Variants in TIAM2 observed in about 807,000 individuals in gnomAD.
The protein encoded by TIAM2 is TIAM Rac1 associated GEF 2.
A neutral mutation model predicts 152.9 loss-of-function variants in TIAM2; 80 were observed. The observed-to-expected ratio is 0.52, with a 90% confidence interval of 0.44 to 0.63. TIAM2 has a LOEUF of 0.63. TIAM2 is among the 30% of genes least tolerant of loss of function. The pLI, the probability that TIAM2 is intolerant of heterozygous loss-of-function variation, is 0.00. For missense variants in TIAM2, 1,965 were observed against 2,120.1 expected, an observed-to-expected ratio of 0.93 and a Z score of 1.44; for synonymous variants, 804 against 838.0, an observed-to-expected ratio of 0.96 and a Z score of 0.70.
At position 155,063,406 on chromosome 6, in the gene TIAM2, TA is replaced by T. The variant is rs1420290719; in HGVS notation, c.-208-26880del. The stretch of plus-strand genomic sequence containing the variant: ...GCGTGTGTGGGTATGTGTGTCCATG[TA>T]AATATGAACACGTACAATTATGTGT... On this transcript the variant is annotated intron_variant, in intron 1 of 26. Coordinates refer to ENST00000682666, the MANE Select transcript of TIAM2 (RefSeq NM_012454.4). Among the ~76,000 whole-genome samples, 415 of 152,298 alleles carry T rather than the reference TA, an allele frequency of 2.7e-3. 1 individual carries two copies. Among genetic ancestry groups the T allele is most frequent in the African/African-American group, 9.5e-3 (395 of 41,556 alleles).
At chr6:155,255,453 G>A (rs563032269) in intron 26 of TIAM2, 8 of 151,918 alleles carry the variant, frequency 5.3e-5, no homozygotes, top group Non-Finnish European at 1.2e-4. Context: ...GTAAAACTTC[G>A]CTTTTTCATG....
At chr6:155,216,875 C>T (rs1386209540) in intron 15 of TIAM2, 1 of 1,156,798 alleles carries the variant, frequency 8.6e-7, no homozygotes, top group Non-Finnish European at 1.1e-6. Context: ...CCAGCTTCCC[C>T]CAATCACCGG....
chr6:155,179,517 C>T, intron 12 of TIAM2, 61 bp downstream of exon 12: 1 of 1,497,688 alleles, frequency 6.7e-7, no homozygotes, highest in Non-Finnish European at 9.0e-7. Flanking sequence ...TACTTTGCCC[C>T]AGCATCTTTG....
At chr6:155,220,921 C>T (rs548559869) in intron 15 of TIAM2, among the ~76,000 whole-genome samples, 2 of 152,122 alleles carry the variant, frequency 1.3e-5, no homozygotes, top group South Asian at 4.2e-4. Context: ...TCCTAGCTCC[C>T]CACCTCCACT....
At chr6:155,183,790 T>A (rs1780969406) in intron 14 of TIAM2, among the ~76,000 whole-genome samples, 1 of 152,186 alleles carries the variant, frequency 6.6e-6, no homozygotes, top group African/African-American at 2.4e-5. Flanking sequence ...TTGTAGTTCC[T>A]TTGTGACTGA....
chr6:155,176,591 G>A lies in TIAM2; in HGVS notation c.2362-225G>A, dbSNP rs577831592. On this transcript the variant is annotated intron_variant, in intron 9 of 26. Transcript: ENST00000682666. ...CAATTGACACAGTGGAAAGAACACAGGACAGGCAGTCACTAACTTTCACTC... is the reference window on the plus strand; with the variant it reads ...CAATTGACACAGTGGAAAGAACACAAGACAGGCAGTCACTAACTTTCACTC... 7.2e-5 allele frequency among the ~76,000 whole-genome samples: 11 copies of A among 152,366 alleles called. No homozygotes were observed. In the South Asian group the frequency reaches 1.9e-3, roughly 26 times the overall value.
chr6:155,124,246 C>T (rs539729441), intron 2 of TIAM2, among the ~76,000 whole-genome samples: 5 of 152,172 alleles, frequency 3.3e-5, no homozygotes, highest in Admixed American at 1.3e-4. Context: ...GTCTTGACCT[C>T]CTGGGCTTAA....
In TIAM2 at chr6:155,208,140, A is replaced by G. The variant is rs558593034; in HGVS notation, c.3065-3064A>G. Among the ~76,000 whole-genome samples the G allele has an allele frequency of 2.2e-3, 330 of 152,288 alleles. 1 individual carries two copies. Among genetic ancestry groups the G allele is most frequent in the African/African-American group, 7.6e-3 (317 of 41,564 alleles). On this transcript the variant is annotated intron_variant, in intron 14 of 26. Transcript: ENST00000682666. ...AAATCCCCATCATCAGTGAATGTGC[A>G]TGTGGATCATATGTCCTATTTCCTG... is the stretch of plus-strand genomic sequence containing the variant.
chr6:155,158,889 G>A (rs1386064767), intron 7 of TIAM2, among the ~76,000 whole-genome samples: 1 of 151,600 alleles, frequency 6.6e-6, no homozygotes, highest in African/African-American at 2.4e-5. Context: ...GGGATGTCTT[G>A]GATTAAAAGG....
chr6:155,015,363 G>T (rs1034931288), intron 1 of TIAM2, among the ~76,000 whole-genome samples: 3 of 152,150 alleles, frequency 2.0e-5, no homozygotes, highest in Non-Finnish European at 2.9e-5. Context: ...GAAGTGCCTC[G>T]TGAGCAGTTA....
At position 155,187,573 on chromosome 6, in the gene TIAM2, C is replaced by CTTTTTTT. The variant is rs59818801; in HGVS notation, c.3064+4090_3064+4096dup. 1.4e-3 allele frequency among the ~76,000 whole-genome samples: 70 copies of CTTTTTTT among 49,622 alleles called. 3 individuals carry two copies. Among genetic ancestry groups the CTTTTTTT allele is most frequent in the African/African-American group, 2.4e-3 (30 of 12,664 alleles). 32.6% of individuals were successfully genotyped at this position (49,622 alleles called of 152,430 possible). On this transcript the variant is annotated intron_variant, in intron 14 of 26. Transcript: ENST00000682666. ...AACCCCCCCTCCCCCACCCCGCCCC[C>CTTTTTTT]TTTTTTTTTTTTTTTTTTTTTTTGA...
intron 1 of TIAM2, among the ~76,000 whole-genome samples, chr6:155,041,800 G>C (rs906532091): frequency 1.3e-5 from 2 of 152,224 alleles, no homozygotes; most frequent in Non-Finnish European, 2.9e-5. Flanking sequence ...TGAGGTGTTC[G>C]CGTTGCCAGT....
chr6:155,006,271 G>A (rs1315405746), intron 1 of TIAM2, among the ~76,000 whole-genome samples: 3 of 152,130 alleles, frequency 2.0e-5, no homozygotes, highest in African/African-American at 7.2e-5. Context: ...CTAGTGGTAG[G>A]GACAAACAAG....
At chr6:155,250,221 A>G (rs1164123090) in intron 21 of TIAM2, among the ~76,000 whole-genome samples, 1 of 151,880 alleles carries the variant, frequency 6.6e-6, no homozygotes, top group Non-Finnish European at 1.5e-5. Flanking sequence ...GAGAGCTGGC[A>G]GAGGGTGGGG....
intron 15 of TIAM2, among the ~76,000 whole-genome samples, chr6:155,238,062 A>G (rs1782862746): frequency 6.6e-6 from 1 of 152,236 alleles, no homozygotes; most frequent in East Asian, 1.9e-4. Context: ...TATAAGGCTG[A>G]ATGCCTTTAC....
At chr6:155,153,324 T>C (rs1221761957) in intron 7 of TIAM2, among the ~76,000 whole-genome samples, 2 of 152,074 alleles carry the variant, frequency 1.3e-5, no homozygotes, top group Non-Finnish European at 2.9e-5. Flanking sequence ...TAGAAATTCT[T>C]GTCCAGGCAC....
chr6:155,018,724 CCCCTCCCCTCCCCTT>C (rs1776394465), intron 1 of TIAM2, among the ~76,000 whole-genome samples: 1 of 1,906 alleles, frequency 5.2e-4, no homozygotes, highest in Non-Finnish European at 1.5e-3. Flanking sequence ...TCCCTCCCCT[CCCCTCCCCTCCCCTT>C]CCCTCCCCTC....
chr6:155,143,548 G>A (rs940601625), intron 5 of TIAM2, among the ~76,000 whole-genome samples: 1 of 152,142 alleles, frequency 6.6e-6, no homozygotes, highest in African/African-American at 2.4e-5. Flanking sequence ...TAAAAATTAA[G>A]TTATTTTACA....
intron 15 of TIAM2, among the ~76,000 whole-genome samples, chr6:155,231,638 C>G (rs1782481867): frequency 6.6e-6 from 1 of 152,320 alleles, no homozygotes; most frequent in Admixed American, 6.5e-5. Context: ...CCAGCTTCCC[C>G]CCAAGCACTA....
Sources: allele counts gnomAD v4.1 joint callset (sites outside exome capture counted in the v4.1 genomes callset), GRCh38; gene constraint gnomAD v4.1.1; transcripts MANE v1.5; gene names NCBI Gene and HGNC (gene_info 2026-07-23, HGNC 2026-07-21).